The following GLYATL2 variants were observed in gnomAD, a reference collection of about 807,000 sequenced individuals.
GLYATL2 encodes glycine N-acyltransferase-like protein 2.
GLYATL2 carries 25 observed loss-of-function variants against 21.4 expected under a neutral mutation model. That is an observed-to-expected ratio of 1.17 (90% CI 0.85 to 1.63). The LOEUF (loss-of-function observed/expected upper bound fraction) is 1.63, where lower values mean the gene tolerates loss of function less well. GLYATL2 is among the 40% of genes most tolerant of loss of function. GLYATL2 has a pLI of 0.00. For synonymous variants in GLYATL2, 114 were observed against 118.2 expected (o/e 0.96, Z 0.23); for missense variants, 361 against 343.3 (o/e 1.05, Z -0.41).
intron 1 of GLYATL2, among the ~76,000 whole-genome samples, chr11:58,873,392 T>C (rs1172427452): frequency 6.6e-6 from 1 of 152,210 alleles, no homozygotes; most frequent in Non-Finnish European, 1.5e-5. Flanking sequence ...TTCCAGTTTT[T>C]GTCCTTTCAG....
At chr11:58,885,850 A>G (rs535114177) in intron 1 of GLYATL2, among the ~76,000 whole-genome samples, 1 of 152,282 alleles carries the variant, frequency 6.6e-6, no homozygotes, top group East Asian at 1.9e-4. Context: ...AATTTACAGG[A>G]AAAGTTCGGT....
At chr11:58,870,934 A>G (rs1305339524) in intron 1 of GLYATL2, among the ~76,000 whole-genome samples, 1 of 152,208 alleles carries the variant, frequency 6.6e-6, no homozygotes, top group Non-Finnish European at 1.5e-5. Flanking sequence ...GCCATGAAGA[A>G]TTGTCTCCCA....
intron 1 of GLYATL2, among the ~76,000 whole-genome samples, chr11:58,876,178 G>A (rs1192863611): frequency 6.6e-6 from 1 of 152,116 alleles, no homozygotes; most frequent in Non-Finnish European, 1.5e-5. Flanking sequence ...GGTTATTCTA[G>A]TTATCCGTTC....
At chr11:58,899,059 T>C (rs1014944125) in intron 1 of GLYATL2, among the ~76,000 whole-genome samples, 2 of 152,172 alleles carry the variant, frequency 1.3e-5, no homozygotes, top group African/African-American at 2.4e-5. Context: ...TTCCATTTTA[T>C]ACATAAGGAA....
chr11:58,846,695 G>GA (rs1443048797), upstream of GLYATL2, among the ~76,000 whole-genome samples: 10 of 152,136 alleles, frequency 6.6e-5, no homozygotes, highest in Non-Finnish European at 1.5e-4. Flanking sequence ...TTCAGTGACT[G>GA]AAAACCTCAC....
At chr11:58,871,706 C>T (rs1369228192) in intron 1 of GLYATL2, among the ~76,000 whole-genome samples, 1 of 152,004 alleles carries the variant, frequency 6.6e-6, no homozygotes, top group Non-Finnish European at 1.5e-5. Flanking sequence ...GGGTTGGTTC[C>T]AAGTCTTTGC....
intron 1 of GLYATL2, among the ~76,000 whole-genome samples, chr11:58,888,097 CAT>C (rs1313121444): frequency 6.6e-6 from 1 of 152,070 alleles, no homozygotes; most frequent in Non-Finnish European, 1.5e-5. Context: ...ATTATATTTT[CAT>C]ATGTTTATCA....
chr11:58,881,921 C>T (rs1854343404), intron 1 of GLYATL2, among the ~76,000 whole-genome samples: 1 of 152,200 alleles, frequency 6.6e-6, no homozygotes, highest in South Asian at 2.1e-4. Context: ...ATGAACTCAT[C>T]CTTTTTAATG....
intron 1 of GLYATL2, among the ~76,000 whole-genome samples, chr11:58,856,607 G>C (rs1317815240): frequency 3.9e-5 from 6 of 151,978 alleles, no homozygotes; most frequent in African/African-American, 1.5e-4. Flanking sequence ...TTTATAACTG[G>C]CGTAATTTAA....
At chr11:58,882,297 G>GT (rs1854352810) in intron 1 of GLYATL2, among the ~76,000 whole-genome samples, 1 of 152,212 alleles carries the variant, frequency 6.6e-6, no homozygotes, top group African/African-American at 2.4e-5. Flanking sequence ...ATGGTATCTC[G>GT]TTGTGGTTTT....
chr11:58,860,024 A>G (rs1169680829), intron 1 of GLYATL2, among the ~76,000 whole-genome samples: 1 of 152,068 alleles, frequency 6.6e-6, no homozygotes, highest in Non-Finnish European at 1.5e-5. Flanking sequence ...CTATTGCTTC[A>G]TAGTACATTT....
chr11:58,884,440 A>C (rs1046829412), intron 1 of GLYATL2, among the ~76,000 whole-genome samples: 1 of 152,132 alleles, frequency 6.6e-6, no homozygotes, highest in Non-Finnish European at 1.5e-5. Flanking sequence ...AGAGCCAAAT[A>C]ATGAGTGAAC....
At chr11:58,863,242 G>T (rs1853963617) in intron 1 of GLYATL2, among the ~76,000 whole-genome samples, 1 of 152,220 alleles carries the variant, frequency 6.6e-6, no homozygotes, top group Non-Finnish European at 1.5e-5. Flanking sequence ...CAGCTCTGAT[G>T]TGGGCATTGA....
intron 1 of GLYATL2, among the ~76,000 whole-genome samples, chr11:58,867,440 T>C (rs1384537399): frequency 6.7e-6 from 1 of 148,480 alleles, no homozygotes; most frequent in Non-Finnish European, 1.5e-5. Flanking sequence ...TGGGACACTT[T>C]GTGAAAGTGG....
At chr11:58,879,582 GTAT>G (rs1289751163) in intron 1 of GLYATL2, among the ~76,000 whole-genome samples, 2 of 152,106 alleles carry the variant, frequency 1.3e-5, no homozygotes, top group African/African-American at 4.8e-5. Context: ...AGACCCAAAA[GTAT>G]AAATATTATA....
chr11:58,882,107 C>T (rs187358055), intron 1 of GLYATL2, among the ~76,000 whole-genome samples: 131 of 152,272 alleles, frequency 8.6e-4, no homozygotes, highest in African/African-American at 2.8e-3. Context: ...GTAATGGGAT[C>T]GCTGAGTCAA....
chr11:58,859,354 T>G (rs1400799465), intron 1 of GLYATL2, among the ~76,000 whole-genome samples: 5 of 152,064 alleles, frequency 3.3e-5, no homozygotes, highest in Non-Finnish European at 7.4e-5. Context: ...CTCACCTGTG[T>G]GGTTTATGGG....
upstream of GLYATL2, chr11:58,905,731 G>A: frequency 8.1e-6 from 1 of 123,566 alleles, no homozygotes; most frequent in South Asian, 1.3e-4. Context: ...TGGGTCATCT[G>A]GACAAATAGG....
intron 1 of GLYATL2, among the ~76,000 whole-genome samples, chr11:58,868,372 C>T (rs1050945914): frequency 6.7e-6 from 1 of 148,728 alleles, no homozygotes; most frequent in Non-Finnish European, 1.5e-5. Flanking sequence ...AATGGGACAC[C>T]AGGCATCTCA....
Sources: allele counts gnomAD v4.1 joint callset (sites outside exome capture counted in the v4.1 genomes callset), GRCh38; gene constraint gnomAD v4.1.1; transcripts MANE v1.5; gene names NCBI Gene and HGNC (gene_info 2026-07-23, HGNC 2026-07-21).